SRPRB: variants seen among roughly 807,000 people sequenced by gnomAD.
SRPRB encodes SRP receptor subunit beta.
In SRPRB, 20 loss-of-function variants were observed where a neutral mutation model predicts 31.9. That is an observed-to-expected ratio of 0.63 (90% CI 0.44 to 0.91). The LOEUF is 0.91. Among genes scored for constraint, SRPRB ranks in the 40% least tolerant of loss-of-function variants. The pLI is 0.00. For synonymous variants in SRPRB, 146 were observed against 132.8 expected, an observed-to-expected ratio of 1.10 and a Z score of -0.68; for missense variants, 321 against 324.9, an observed-to-expected ratio of 0.99 and a Z score of 0.09.
intron 4 of SRPRB, among the ~76,000 whole-genome samples, chr3:133,813,942 A>G (rs964511825): frequency 3.3e-5 from 5 of 152,168 alleles, no homozygotes; most frequent in African/African-American, 9.7e-5. Context: ...TTCATACCCT[A>G]TATCTGTGTG....
At position 133,815,605 on chromosome 3, in the gene SRPRB, T is replaced by C; in HGVS notation, c.426T>C (p.Val142=). 1 of 1,613,968 alleles carries C rather than the reference T, an allele frequency of 6.2e-7. No individual in the cohort carries two copies. The highest frequency in any genetic ancestry group is 8.5e-7 in the Non-Finnish European group (1 of 1,179,980). The change falls in exon 5 of 7, where the codon GTT becomes GTC. Residue 142 remains valine, a synonymous_variant. Transcript: ENST00000678299. ...FKSSARAIVF[V]VDSAAFQREV... is the part of the protein sequence containing the mutation. ...CTCCCTCCAGGGCTATTGTGTTTGT[T>C]GTGGATAGTGCAGCATTCCAGCGAG...
At chr3:133,786,627 T>A (rs1477323685) in intron 1 of SRPRB, 1 of 152,240 alleles carries the variant, frequency 6.6e-6, no homozygotes, top group Non-Finnish European at 1.5e-5. Flanking sequence ...AAGTAGTTAG[T>A]AAACTAATAT....
chr3:133,824,506 T>A (rs761947140), downstream of SRPRB: 5 of 152,200 alleles, frequency 3.3e-5, no homozygotes, highest in Non-Finnish European at 5.9e-5. Flanking sequence ...TCTAAACCCC[T>A]GCTGCAAGGA....
intron 4 of SRPRB, among the ~76,000 whole-genome samples, chr3:133,811,619 G>C (rs1409840221): frequency 6.8e-6 from 1 of 147,346 alleles, no homozygotes. Context: ...GTCTCACTCT[G>C]TTGTCCTGGC....
downstream of SRPRB, among the ~76,000 whole-genome samples, chr3:133,823,602 AGT>A (rs1935509349): frequency 6.6e-6 from 1 of 152,190 alleles, no homozygotes; most frequent in Non-Finnish European, 1.5e-5. Flanking sequence ...CTTGAAGAAG[AGT>A]GAGATTCCCG....
intron 1 of SRPRB, among the ~76,000 whole-genome samples, chr3:133,800,625 A>G (rs376329925): frequency 5.9e-5 from 9 of 152,252 alleles, no homozygotes; most frequent in African/African-American, 2.2e-4. Context: ...CTCTATTCAG[A>G]TGTAATTATT....
intron 1 of SRPRB, among the ~76,000 whole-genome samples, chr3:133,797,341 G>A (rs1057082803): frequency 6.6e-6 from 1 of 152,232 alleles, no homozygotes; most frequent in Non-Finnish European, 1.5e-5. Context: ...GATTGATAGA[G>A]ATAGGAAGGG....
chr3:133,802,161 C>G (rs886961714), upstream of SRPRB, among the ~76,000 whole-genome samples: 2 of 152,142 alleles, frequency 1.3e-5, no homozygotes, highest in African/African-American at 4.8e-5. Flanking sequence ...TCCCACCACT[C>G]TGGGGGGCTG....
intron 6 of SRPRB, 28 bp downstream of exon 6, chr3:133,816,960 A>G: frequency 1.3e-6 from 2 of 1,588,534 alleles, no homozygotes; most frequent in Non-Finnish European, 1.7e-6. Flanking sequence ...CTGTTGGTTA[A>G]TTATATATCT....
At chr3:133,810,011 A>C (rs1013233465) in intron 3 of SRPRB, among the ~76,000 whole-genome samples, 1 of 151,716 alleles carries the variant, frequency 6.6e-6, no homozygotes, top group Admixed American at 6.6e-5. Flanking sequence ...TCTTTCTCCT[A>C]CCCCCTTACG....
At chr3:133,800,687 G>C (rs1935048440) in intron 1 of SRPRB, among the ~76,000 whole-genome samples, 1 of 152,156 alleles carries the variant, frequency 6.6e-6, no homozygotes, top group Non-Finnish European at 1.5e-5. Context: ...ATTAAATTTG[G>C]TAGGCTAGGG....
At chr3:133,806,479 A>T (rs1014021779) in intron 1 of SRPRB, 130 bp from the exon 2 acceptor site, 8 of 680,188 alleles carry the variant, frequency 1.2e-5, no homozygotes, top group Admixed American at 2.5e-5. Context: ...AGTAACCATT[A>T]TGATAAAAGT....
intron 6 of SRPRB, among the ~76,000 whole-genome samples, chr3:133,818,978 C>A (rs1018931482): frequency 6.6e-6 from 1 of 151,976 alleles, no homozygotes; most frequent in East Asian, 1.9e-4. Flanking sequence ...AAGGGGAGGC[C>A]GACAAATGAG....
At chr3:133,819,427 T>C in intron 6 of SRPRB, 126 bp from the exon 7 acceptor site, 2 of 609,810 alleles carry the variant, frequency 3.3e-6, no homozygotes, top group Admixed American at 3.3e-5. Context: ...TATTCAACAA[T>C]CTTAATAGCA....
Position 133,811,204 on chromosome 3 carries a change from GAAGGA to G in SRPRB, c.410+9_410+13del. ...GCGGTTTAAGTCTTCAGCCAGGTAAGAAGGAAAGAAGTGAAGTGGGCTTGTCTAGG... is the reference window on the plus strand; with the variant it reads ...GCGGTTTAAGTCTTCAGCCAGGTAAGAAGAAGTGAAGTGGGCTTGTCTAGG... On this transcript the variant is annotated splice_donor_region_variant and intron_variant, in intron 4 of 6. Transcript: ENST00000678299. 1 of 1,614,002 alleles carries G rather than the reference GAAGGA, an allele frequency of 6.2e-7. No homozygotes were observed. Among genetic ancestry groups the G allele is most frequent in the South Asian group, 1.1e-5 (1 of 91,062 alleles).
rs560158048 is a variant in SRPRB, at chr3:133,793,516, C to T, written c.-174+9372C>T. 1.2e-4 allele frequency: 19 copies of T among 152,172 alleles called. No individual in the cohort carries two copies. In the South Asian group the frequency reaches 3.1e-3, roughly 25 times the overall value. The allele number at this position is 152,172 out of a possible 1,614,324, so 9.4% of individuals were successfully genotyped here. On this transcript the variant is annotated intron_variant, in intron 1 of 7. Transcript: ENST00000466490. ...GTCAAAAAGAAAAAAATTTAATCTTCTTCAGGTTATATTTTAGTGAATAAT... is the reference window on the plus strand; with the variant it reads ...GTCAAAAAGAAAAAAATTTAATCTTTTTCAGGTTATATTTTAGTGAATAAT...
chr3:133,822,447 TTC>T (rs771543269), downstream of SRPRB, among the ~76,000 whole-genome samples: 4 of 152,170 alleles, frequency 2.6e-5, no homozygotes, highest in Non-Finnish European at 4.4e-5. Context: ...ACTGCACTGT[TTC>T]TTCCTTTGGC....
At chr3:133,784,482 AT>A (rs1369924031) in intron 1 of SRPRB, 2 of 142,506 alleles carry the variant, frequency 1.4e-5, no homozygotes, top group Non-Finnish European at 3.0e-5. Context: ...AATAATAATA[AT>A]AATAATAATA....
chr3:133,815,826 A>T (rs1935356223), intron 5 of SRPRB, 100 bp downstream of exon 5: 6 of 1,380,158 alleles, frequency 4.3e-6, no homozygotes, highest in Middle Eastern at 1.9e-4. Flanking sequence ...TGAGGATGAG[A>T]TACAATTGCT....
Sources: gnomAD v4.1 joint callset for allele counts (sites outside exome capture counted in the v4.1 genomes callset) on GRCh38, gnomAD v4.1.1 for gene constraint, MANE v1.5 for transcripts, NCBI Gene and HGNC (gene_info 2026-07-23, HGNC 2026-07-21) for gene names.